Variants in SORCS3 observed in about 807,000 individuals in gnomAD.
SORCS3 encodes VPS10 domain-containing receptor SorCS3.
A neutral mutation model predicts 146.3 loss-of-function variants in SORCS3; 57 were observed. The ratio of observed to expected loss-of-function variants is 0.39; its 90% CI spans 0.31 to 0.49. The LOEUF is 0.49. Among genes scored for constraint, SORCS3 ranks in the 20% least tolerant of loss-of-function variants. The pLI is 0.92. For missense variants in SORCS3, 1,341 were observed against 1,575.5 expected, an observed-to-expected ratio of 0.85 and a Z score of 2.52; for synonymous variants, 653 against 618.5, an observed-to-expected ratio of 1.06 and a Z score of -0.83.
intron 2 of SORCS3, among the ~76,000 whole-genome samples, chr10:104,873,407 G>A (rs991194023): frequency 6.6e-6 from 1 of 152,194 alleles, no homozygotes; most frequent in African/African-American, 2.4e-5. Context: ...AGCAGTGGGA[G>A]CCAGTTCTGA....
intron 16 of SORCS3, among the ~76,000 whole-genome samples, chr10:105,203,102 C>T (rs942849465): frequency 6.6e-6 from 1 of 152,102 alleles, no homozygotes; most frequent in African/African-American, 2.4e-5. Flanking sequence ...CTTTGTTTCC[C>T]ACTTTCTGCT....
chr10:105,246,288 CA>C (rs2056865801), intron 21 of SORCS3, among the ~76,000 whole-genome samples: 4 of 152,192 alleles, frequency 2.6e-5, no homozygotes, highest in African/African-American at 4.8e-5. Context: ...GGTCCCTAGA[CA>C]CAACCAGTAT....
intron 3 of SORCS3, among the ~76,000 whole-genome samples, chr10:104,965,585 T>C (rs1334352251): frequency 6.6e-6 from 1 of 152,200 alleles, no homozygotes; most frequent in Non-Finnish European, 1.5e-5. Context: ...CACTTGTTAT[T>C]TTCTGATTTT....
At chr10:104,793,963 C>G (rs1042193514) in intron 1 of SORCS3, among the ~76,000 whole-genome samples, 1 of 152,046 alleles carries the variant, frequency 6.6e-6, no homozygotes, top group South Asian at 2.1e-4. Flanking sequence ...CGGGAATGAC[C>G]AAAATTTAAG....
chr10:105,160,360 T>C (rs11192341), intron 11 of SORCS3, among the ~76,000 whole-genome samples: 13,245 of 152,188 alleles, frequency 0.087, 712 homozygotes, highest in Admixed American at 0.16. Flanking sequence ...GGCGCAGTGG[T>C]TCATGCCTGT....
At chr10:105,259,444 G>A (rs561482900) in intron 25 of SORCS3, among the ~76,000 whole-genome samples, 26 of 152,146 alleles carry the variant, frequency 1.7e-4, no homozygotes, top group Admixed American at 3.3e-4. Flanking sequence ...CCAGGCACTG[G>A]AAATGATCTC....
intron 1 of SORCS3, 85 bp from the exon 2 acceptor site, chr10:104,842,707 A>T: frequency 9.8e-7 from 1 of 1,022,514 alleles, no homozygotes; most frequent in East Asian, 2.4e-5. Context: ...GAGATGCATT[A>T]TATATTGTTA....
chr10:104,967,080 T>C (rs1003615760), intron 3 of SORCS3, among the ~76,000 whole-genome samples: 12 of 152,042 alleles, frequency 7.9e-5, no homozygotes, highest in African/African-American at 2.4e-4. Flanking sequence ...AGGAACTTGA[T>C]TGTATGCAGT....
At chr10:104,677,962 G>A (rs1224874614) in intron 1 of SORCS3, among the ~76,000 whole-genome samples, 2 of 152,134 alleles carry the variant, frequency 1.3e-5, no homozygotes, top group Non-Finnish European at 2.9e-5. Context: ...TTTAAAGTAT[G>A]AAGGATGATG....
chr10:105,259,946 T>C (rs2056951418), intron 25 of SORCS3, among the ~76,000 whole-genome samples: 1 of 152,190 alleles, frequency 6.6e-6, no homozygotes, highest in South Asian at 2.1e-4. Context: ...GATCTCTTCA[T>C]TTCCCACATT....
intron 1 of SORCS3, among the ~76,000 whole-genome samples, chr10:104,763,079 A>G (rs1276553528): frequency 6.6e-6 from 1 of 152,106 alleles, no homozygotes; most frequent in Admixed American, 6.5e-5. Flanking sequence ...TATTTTTTTC[A>G]GTGTTTCTCA....
chr10:104,878,764 C>G (rs1257552670), intron 2 of SORCS3, among the ~76,000 whole-genome samples: 1 of 152,166 alleles, frequency 6.6e-6, no homozygotes, highest in Non-Finnish European at 1.5e-5. Context: ...ATGTTTCAGT[C>G]TGAATGCACT....
At chr10:104,970,029 T>G (rs1195967347) in intron 3 of SORCS3, among the ~76,000 whole-genome samples, 3 of 152,230 alleles carry the variant, frequency 2.0e-5, no homozygotes, top group Non-Finnish European at 4.4e-5. Context: ...TTTTTATACC[T>G]GCATAAAATA....
chr10:105,076,258 C>T (rs1328231486), intron 5 of SORCS3, among the ~76,000 whole-genome samples: 1 of 152,148 alleles, frequency 6.6e-6, no homozygotes. Context: ...CAAAGCTCCT[C>T]TCTGAACCAC....
At chr10:105,045,021 GAA>G (rs35904016) in intron 5 of SORCS3, among the ~76,000 whole-genome samples, 110 of 117,980 alleles carry the variant, frequency 9.3e-4, no homozygotes, top group East Asian at 6.0e-3. Context: ...TCCAGAATTC[GAA>G]AAAAAAAAAA....
At chr10:104,780,857 T>G (rs1289178385) in intron 1 of SORCS3, among the ~76,000 whole-genome samples, 1 of 152,234 alleles carries the variant, frequency 6.6e-6, no homozygotes, top group Non-Finnish European at 1.5e-5. Context: ...AAATCTCTCC[T>G]GAGAAGTTTA....
Position 105,164,388 on chromosome 10 carries a change from G to A in SORCS3, c.1809+9G>A. 1 of 1,600,816 alleles carries A rather than the reference G, an allele frequency of 6.2e-7. No homozygotes were observed. On this transcript the variant is annotated intron_variant, in intron 12 of 26. Transcript: ENST00000369701. Reference sequence around the variant, plus strand: ...GCAACACATGGAGACAGGTAACTGGGTGAATTGACAAAAAGGGAGGAGGCA... The same window carrying A: ...GCAACACATGGAGACAGGTAACTGGATGAATTGACAAAAAGGGAGGAGGCA...
chr10:104,972,234 T>G (rs2054864737), intron 3 of SORCS3, among the ~76,000 whole-genome samples: 1 of 152,162 alleles, frequency 6.6e-6, no homozygotes, highest in Admixed American at 6.5e-5. Flanking sequence ...AGTTTGGATA[T>G]TATCAGAGTC....
chr10:104,721,553 T>C (rs960725255), intron 1 of SORCS3, among the ~76,000 whole-genome samples: 3 of 152,028 alleles, frequency 2.0e-5, no homozygotes, highest in African/African-American at 4.8e-5. Flanking sequence ...ATTGAATCTA[T>C]AAATTACCTT....
Sources: allele counts gnomAD v4.1 joint callset (sites outside exome capture counted in the v4.1 genomes callset), GRCh38; gene constraint gnomAD v4.1.1; transcripts MANE v1.5; gene names NCBI Gene and HGNC (gene_info 2026-07-23, HGNC 2026-07-21).